DLGAP1: variants seen among roughly 807,000 people sequenced by gnomAD.
The protein encoded by DLGAP1 is DLG associated protein 1, also known as disks large-associated protein 1.
In DLGAP1, 11 loss-of-function variants were observed where a neutral mutation model predicts 90.8. That is an observed-to-expected ratio of 0.12 (90% confidence interval 0.08 to 0.20). The LOEUF (loss-of-function observed/expected upper bound fraction) is 0.20, where lower values mean the gene tolerates loss of function less well. DLGAP1 is among the 10% of genes least tolerant of loss of function. The pLI, the probability that DLGAP1 is intolerant of heterozygous loss-of-function variation, is 1.00. For synonymous variants in DLGAP1, 558 were observed against 540.7 expected (o/e 1.03, Z -0.44); for missense variants, 1,050 against 1,333.8 (o/e 0.79, Z 3.31).
intron 3 of DLGAP1, among the ~76,000 whole-genome samples, chr18:3,894,112 C>T (rs1418742127): frequency 6.6e-6 from 1 of 152,136 alleles, no homozygotes; most frequent in Non-Finnish European, 1.5e-5. Flanking sequence ...CTTGTATATT[C>T]TGGTTATTAG....
At chr18:3,529,807 A>G (rs2051876404) in intron 10 of DLGAP1, among the ~76,000 whole-genome samples, 1 of 152,218 alleles carries the variant, frequency 6.6e-6, no homozygotes, top group African/African-American at 2.4e-5. Flanking sequence ...CAGTTCCCTC[A>G]TGTTCATTAT....
At chr18:4,185,892 A>C (rs1440830888) in intron 1 of DLGAP1, among the ~76,000 whole-genome samples, 1 of 152,046 alleles carries the variant, frequency 6.6e-6, no homozygotes, top group Admixed American at 6.6e-5. Context: ...ACTAGTTTAC[A>C]CTCCCAGCAA....
At chr18:3,501,263 C>T (rs917860044) in intron 12 of DLGAP1, among the ~76,000 whole-genome samples, 10 of 151,706 alleles carry the variant, frequency 6.6e-5, no homozygotes, top group African/African-American at 2.4e-4. Context: ...GATGCATCAG[C>T]TCTGGAAACT....
intron 5 of DLGAP1, among the ~76,000 whole-genome samples, chr18:3,774,959 C>T (rs191038058): frequency 2.1e-4 from 32 of 152,222 alleles, no homozygotes; most frequent in African/African-American, 7.0e-4. Context: ...CCCTTTCCTG[C>T]GTTTTCACTA....
chr18:3,779,975 G>A (rs555574192), intron 5 of DLGAP1, among the ~76,000 whole-genome samples: 6 of 151,976 alleles, frequency 3.9e-5, no homozygotes, highest in African/African-American at 1.2e-4. Flanking sequence ...TAGTAGATAC[G>A]GGGTTTCACT....
intron 1 of DLGAP1, among the ~76,000 whole-genome samples, chr18:4,357,280 A>C (rs1680594134): frequency 6.8e-6 from 1 of 147,832 alleles, no homozygotes; most frequent in Admixed American, 6.8e-5. Flanking sequence ...CAGCCTCCCA[A>C]GCAGCTGGGA....
chr18:4,303,058 G>C (rs1369478602), intron 1 of DLGAP1, among the ~76,000 whole-genome samples: 2 of 152,104 alleles, frequency 1.3e-5, no homozygotes, highest in Non-Finnish European at 2.9e-5. Flanking sequence ...TACTTAAGCT[G>C]GAACTTTCCC....
intron 1 of DLGAP1, among the ~76,000 whole-genome samples, chr18:4,225,986 A>G (rs2078178751): frequency 6.6e-6 from 1 of 152,106 alleles, no homozygotes; most frequent in African/African-American, 2.4e-5. Flanking sequence ...AAGACTACAA[A>G]ATATTTAATA....
At chr18:3,501,557 T>C (rs942094136) in intron 12 of DLGAP1, among the ~76,000 whole-genome samples, 29 of 152,188 alleles carry the variant, frequency 1.9e-4, no homozygotes, top group Non-Finnish European at 3.5e-4. Flanking sequence ...TGGGAGACCA[T>C]TGACCCCAAG....
At chr18:3,963,388 A>G (rs2073247516) in intron 3 of DLGAP1, among the ~76,000 whole-genome samples, 1 of 152,180 alleles carries the variant, frequency 6.6e-6, no homozygotes, top group Non-Finnish European at 1.5e-5. Context: ...GAAAGTGTGC[A>G]GCTGCCTGGA....
intron 8 of DLGAP1, among the ~76,000 whole-genome samples, chr18:3,575,619 T>C (rs566512675): frequency 6.6e-6 from 1 of 152,356 alleles, no homozygotes; most frequent in Admixed American, 6.5e-5. Context: ...TTTTGCTCTA[T>C]ACACTCCTGT....
chr18:4,404,535 C>T (rs771725906), intron 1 of DLGAP1, among the ~76,000 whole-genome samples: 1 of 152,104 alleles, frequency 6.6e-6, no homozygotes, highest in Non-Finnish European at 1.5e-5. Flanking sequence ...CAAAAACATA[C>T]AATATTACAT....
intron 2 of DLGAP1, among the ~76,000 whole-genome samples, chr18:4,019,934 A>C (rs569551737): frequency 1.3e-5 from 2 of 152,360 alleles, no homozygotes; most frequent in African/African-American, 4.8e-5. Context: ...AGGGAGACAT[A>C]GTACATCCAT....
intron 6 of DLGAP1, among the ~76,000 whole-genome samples, chr18:3,730,470 G>C (rs2062383253): frequency 6.6e-6 from 1 of 151,906 alleles, no homozygotes; most frequent in African/African-American, 2.4e-5. Context: ...TTCCTGACTA[G>C]ATGTTCCAGT....
intron 3 of DLGAP1, among the ~76,000 whole-genome samples, chr18:3,938,098 T>C (rs2072682361): frequency 6.6e-6 from 1 of 152,200 alleles, no homozygotes; most frequent in South Asian, 2.1e-4. Flanking sequence ...TGCTGAAAAC[T>C]AAGGCAACTG....
At chr18:3,567,441 C>T in intron 9 of DLGAP1, 49 bp downstream of exon 9, 4 of 1,491,050 alleles carry the variant, frequency 2.7e-6, no homozygotes, top group East Asian at 2.3e-5. Context: ...ATGCTTTTAC[C>T]TTACTTCAAA....
chr18:3,881,517 C>A (rs943169218), intron 3 of DLGAP1, among the ~76,000 whole-genome samples: 4 of 152,120 alleles, frequency 2.6e-5, no homozygotes, highest in Non-Finnish European at 5.9e-5. Context: ...TGTTCCTTGC[C>A]TCCCAGTCTA....
chr18:3,838,183 C>T lies in DLGAP1; in HGVS notation c.958-23910G>A, dbSNP rs553079727. On this transcript the variant is annotated intron_variant, in intron 4 of 12. Coordinates refer to ENST00000315677, the MANE Select transcript of DLGAP1 (RefSeq NM_004746.4). ...GTTTTCATCTAAGATTACCCTCATA[C>T]CACATGCACAGGGCTTGATCATAAA... is the stretch of plus-strand genomic sequence containing the variant. Among the ~76,000 whole-genome samples, 6 of 152,286 alleles carry T rather than the reference C, an allele frequency of 3.9e-5. No individual in the cohort carries two copies. In the East Asian group the frequency reaches 1.2e-3, roughly 29 times the overall value.
chr18:3,965,167 G>T (rs1186033832), intron 3 of DLGAP1, among the ~76,000 whole-genome samples: 1 of 152,126 alleles, frequency 6.6e-6, no homozygotes, highest in Non-Finnish European at 1.5e-5. Flanking sequence ...GCCTACATTT[G>T]TAACACAAAA....
Sources: gnomAD v4.1 joint callset for allele counts (sites outside exome capture counted in the v4.1 genomes callset) on GRCh38, gnomAD v4.1.1 for gene constraint, MANE v1.5 for transcripts, NCBI Gene and HGNC (gene_info 2026-07-23, HGNC 2026-07-21) for gene names.